Variants in CCDC171 observed in about 807,000 individuals in gnomAD.
CCDC171 encodes coiled-coil domain containing 171.
CCDC171 carries 177 observed loss-of-function variants against 168.2 expected under a neutral mutation model. The observed-to-expected ratio is 1.05, with a 90% CI of 0.93 to 1.19. CCDC171 has a LOEUF of 1.19. Among genes scored for constraint, CCDC171 ranks in the 50% most tolerant of loss-of-function variants. The probability of loss-of-function intolerance (pLI) is 0.00; values close to 1 mark genes in which losing one functional copy is unlikely to be tolerated. For missense variants in CCDC171, 1,991 were observed against 1,539.0 expected, an observed-to-expected ratio of 1.29 and a Z score of -4.91; for synonymous variants, 687 against 540.8, an observed-to-expected ratio of 1.27 and a Z score of -3.75.
chr9:15,882,540 C>T (rs543697061), intron 24 of CCDC171, among the ~76,000 whole-genome samples: 2 of 152,218 alleles, frequency 1.3e-5, no homozygotes, highest in East Asian at 1.9e-4. Flanking sequence ...GAGTGTTTCC[C>T]CAGTGTTTGG....
Position 15,971,718 on chromosome 9 carries a change from C to G in CCDC171, c.3863C>G (p.Thr1288Ser), listed in dbSNP as rs1831375881. The G allele has an allele frequency of 6.2e-7, 1 of 1,613,618 alleles. No individual in the cohort carries two copies. ...CCATTGAAAGCTGAACTTGATACTA[C>G]TTACACTTTCTTAAAGGAGACATTT... The part of the protein sequence containing the change: ...FLPLKAELDT[T>S]YTFLKETFIN... The change falls in exon 26 of 26, where the codon ACT becomes AGT. Residue 1288 changes from threonine to serine, a missense_variant. Coordinates refer to ENST00000380701, the MANE Select transcript of CCDC171 (RefSeq NM_173550.4).
intron 10 of CCDC171, among the ~76,000 whole-genome samples, chr9:15,693,136 C>G (rs2050943351): frequency 6.6e-6 from 1 of 151,636 alleles, no homozygotes. Flanking sequence ...GACTCTGTCT[C>G]AAAACAAAAC....
In CCDC171 at chr9:15,623,256, T is replaced by C; in HGVS notation, c.676-11T>C. ...TAAACTTTATTGATGCAAAAATGAATTATTTTCCAGGAGCAAGATACTGCT... is the reference window on the plus strand; with the variant it reads ...TAAACTTTATTGATGCAAAAATGAACTATTTTCCAGGAGCAAGATACTGCT... On this transcript the variant is annotated splice_polypyrimidine_tract_variant and intron_variant, in intron 6 of 25. Transcript: ENST00000380701. 1 of 1,545,094 alleles carries C rather than the reference T, an allele frequency of 6.5e-7. No homozygotes were observed. The highest frequency in any genetic ancestry group is 2.3e-5 in the East Asian group (1 of 43,248).
intron 1 of CCDC171, among the ~76,000 whole-genome samples, chr9:15,556,698 C>G (rs1251737605): frequency 1.3e-5 from 2 of 151,878 alleles, no homozygotes; most frequent in South Asian, 2.1e-4. Context: ...GTTGCCTGTT[C>G]ACTCTGATGG....
rs1467103054 is a variant in CCDC171, at chr9:15,592,034, A to AT, written c.543+484dup. Among the ~76,000 whole-genome samples the AT allele has an allele frequency of 2.0e-5, 3 of 151,878 alleles. No individual in the cohort carries two copies. The East Asian group carries it at 5.8e-4, about 29-fold the overall frequency. ...AAAATTGTGAGCTATTTATTCCCTCATTTTTTGTTCTCTTTTTACTCCCTA... is the reference window on the plus strand; with the variant it reads ...AAAATTGTGAGCTATTTATTCCCTCATTTTTTTGTTCTCTTTTTACTCCCTA... On this transcript the variant is annotated intron_variant, in intron 5 of 25. Transcript: ENST00000380701.
intron 1 of CCDC171, among the ~76,000 whole-genome samples, chr9:15,560,897 A>T (rs1185696396): frequency 6.6e-6 from 1 of 152,136 alleles, no homozygotes; most frequent in Non-Finnish European, 1.5e-5. Context: ...TGATGGTGAC[A>T]TACAGATGAG....
chr9:15,598,116 T>C (rs1489967061), intron 6 of CCDC171, among the ~76,000 whole-genome samples: 1 of 152,184 alleles, frequency 6.6e-6, no homozygotes, highest in Non-Finnish European at 1.5e-5. Context: ...GATTCATTGA[T>C]TTTTTGAAGG....
rs537325344 is a variant in CCDC171, at chr9:15,875,812, T to C, written c.3600+1149T>C. 3.3e-5 allele frequency: 5 copies of C among 152,116 alleles called. No homozygotes were observed. In the South Asian group the frequency reaches 1.0e-3, roughly 32 times the overall value. 9.4% of individuals were successfully genotyped at this position (152,116 alleles called of 1,614,324 possible). A position where few individuals can be genotyped will look rare whatever the true frequency, so the allele number is the denominator to read the frequency against. ...GCTTCTTTCATTAGATTGTCCAATA[T>C]GTCTAAAATATATATAATTATAAAA... On this transcript the variant is annotated intron_variant, in intron 24 of 25. Transcript: ENST00000380701.
chr9:15,687,122 C>G (rs1016614498), intron 10 of CCDC171, among the ~76,000 whole-genome samples: 1 of 152,054 alleles, frequency 6.6e-6, no homozygotes, highest in African/African-American at 2.4e-5. Flanking sequence ...GAAACATTCA[C>G]AAATATGTGA....
intron 18 of CCDC171, among the ~76,000 whole-genome samples, chr9:15,753,970 A>T (rs1217810012): frequency 8.5e-5 from 13 of 152,142 alleles, no homozygotes; most frequent in Admixed American, 8.5e-4. Flanking sequence ...ATTTCTTCAA[A>T]CATGATGAGG....
intron 3 of CCDC171, among the ~76,000 whole-genome samples, chr9:16,004,277 G>T (rs952710212): frequency 1.3e-5 from 2 of 152,200 alleles, no homozygotes; most frequent in Admixed American, 1.3e-4. Flanking sequence ...ATGAAATGGA[G>T]ATTTTAACTA....
intron 8 of CCDC171, among the ~76,000 whole-genome samples, chr9:15,664,515 T>C (rs2048570524): frequency 6.7e-6 from 1 of 149,302 alleles, no homozygotes; most frequent in Admixed American, 6.7e-5. Flanking sequence ...TCCCGGAGTG[T>C]TGGGATTACA....
intron 21 of CCDC171, among the ~76,000 whole-genome samples, chr9:15,819,851 C>A (rs1161540089): frequency 8.5e-6 from 1 of 117,622 alleles, no homozygotes; most frequent in African/African-American, 3.2e-5. Context: ...TAATAGACAT[C>A]TACAGAACTC....
chr9:15,836,333 A>G (rs2060448725), intron 21 of CCDC171, among the ~76,000 whole-genome samples: 1 of 151,866 alleles, frequency 6.6e-6, no homozygotes, highest in Non-Finnish European at 1.5e-5. Flanking sequence ...TTTATCTGGA[A>G]CGCTGTTGGT....
rs1008769190 is a variant in CCDC171 at position 15,678,846 on chromosome 9, C to T, written c.1165C>T (p.Leu389Phe). The T allele has an allele frequency of 1.3e-6, 2 of 1,594,310 alleles. No homozygotes were observed. Among genetic ancestry groups the T allele is most frequent in the African/African-American group, 2.7e-5 (2 of 73,680 alleles). Residue 389 changes from leucine (L) to phenylalanine (F), a missense_variant, in exon 10 of 26, where the codon CTC (leucine) becomes TTC (phenylalanine). Physicochemically the swap from Leu to Phe is conservative, Grantham distance 22. Coordinates refer to ENST00000380701, the MANE Select transcript of CCDC171 (RefSeq NM_173550.4). ...KKVIIDLSKR[L>F]QYNEKSCSEL... ...AGTAATTATAGACCTTTCAAAGAGA[C>T]TCCAGTATAATGAAAAAAGTTGCAG... is the stretch of plus-strand genomic sequence containing the variant.
At chr9:15,955,068 G>T (rs898848425) in intron 25 of CCDC171, among the ~76,000 whole-genome samples, 8 of 152,116 alleles carry the variant, frequency 5.3e-5, no homozygotes, top group Non-Finnish European at 1.0e-4. Context: ...CTGGAAATCA[G>T]ATTTTCTCCC....
intron 23 of CCDC171, among the ~76,000 whole-genome samples, chr9:15,865,383 T>TA (rs1455914351): frequency 1.4e-5 from 1 of 69,694 alleles, no homozygotes; most frequent in East Asian, 6.4e-4. Flanking sequence ...ATTTGTCATA[T>TA]TTGTGTGTGT....
chr9:16,056,577 T>C (rs1833844910), intron 1 of CCDC171, among the ~76,000 whole-genome samples: 1 of 152,028 alleles, frequency 6.6e-6, no homozygotes, highest in Non-Finnish European at 1.5e-5. Flanking sequence ...AACCTCCGCC[T>C]CCCAGGTTCA....
intron 2 of CCDC171, among the ~76,000 whole-genome samples, chr9:15,567,869 G>A (rs1311364071): frequency 1.3e-5 from 2 of 151,952 alleles, no homozygotes. Context: ...TCTCAGGCTG[G>A]TCTTGAACTC....
Sources: gnomAD v4.1 joint callset for allele counts (sites outside exome capture counted in the v4.1 genomes callset) on GRCh38, gnomAD v4.1.1 for gene constraint, MANE v1.5 for transcripts, NCBI Gene and HGNC (gene_info 2026-07-23, HGNC 2026-07-21) for gene names.